The following ALDH16A1 variants were observed in gnomAD, a reference collection of about 807,000 sequenced individuals.
ALDH16A1 encodes aldehyde dehydrogenase family 16 member A1.
In ALDH16A1, 88 loss-of-function variants were observed where a neutral mutation model predicts 96.1. The ratio of observed to expected loss-of-function variants is 0.92; its 90% CI spans 0.77 to 1.09. The LOEUF is 1.09. ALDH16A1 is among the 50% of genes least tolerant of loss of function. ALDH16A1 has a pLI of 0.00. For missense variants in ALDH16A1, 1,250 were observed against 1,112.6 expected (o/e 1.12, Z -1.76); for synonymous variants, 522 against 496.4 (o/e 1.05, Z -0.69).
Position 49,458,943 on chromosome 19 carries a change from C to T in ALDH16A1, c.194-17C>T. On this transcript the variant is annotated splice_polypyrimidine_tract_variant and intron_variant, in intron 2 of 16. Transcript: ENST00000293350. ...GGGCTACTCCTCCCATCTGAGTCCC[C>T]CCACTTTTCTCCCCAGGAGAGAACT... 2 of 1,606,844 alleles carry T rather than the reference C, an allele frequency of 1.2e-6. No homozygotes were observed. Among genetic ancestry groups the T allele is most frequent in the Non-Finnish European group, 1.7e-6 (2 of 1,175,060 alleles).
intron 1 of ALDH16A1, among the ~76,000 whole-genome samples, chr19:49,455,680 G>A (rs941455115): frequency 3.9e-5 from 6 of 151,922 alleles, no homozygotes; most frequent in African/African-American, 7.3e-5. Flanking sequence ...AGGATCACTC[G>A]CACCTAGGAG....
At chr19:49,453,444 C>A (rs905577720) in intron 1 of ALDH16A1, 23 bp downstream of exon 1, 9 of 1,511,780 alleles carry the variant, frequency 6.0e-6, no homozygotes, top group African/African-American at 2.8e-5. Context: ...CCGGCCGGCG[C>A]TGCTCGCTGC....
intron 1 of ALDH16A1, among the ~76,000 whole-genome samples, chr19:49,455,384 C>A (rs12986313): frequency 0.34 from 51,200 of 150,068 alleles, 9,881 homozygotes; most frequent in South Asian, 0.51. Context: ...CCACTGCACT[C>A]CAGCCTGGGC....
At position 49,468,479 on chromosome 19, in the gene ALDH16A1, C is replaced by T. The variant is rs267605587; in HGVS notation, c.2037C>T (p.Ser679=). 6.2e-7 allele frequency: 1 copy of T among 1,602,930 alleles called. No homozygotes were observed. The highest frequency in any genetic ancestry group is 8.5e-7 in the Non-Finnish European group (1 of 1,179,904). The change falls in exon 15 of 17, where the codon TCC becomes TCT. Residue 679 remains serine, a synonymous_variant. Coordinates refer to ENST00000293350, the MANE Select transcript of ALDH16A1 (RefSeq NM_153329.4). This position sits in a 1 kb window ranked among gnomAD's most constrained non-coding sequence, Gnocchi z 4.4. The part of the protein sequence containing the change: ...PDEWPLLAFV[S]LLAPALAYGN... ...AGTGGCCCCTGCTTGCCTTCGTGTC[C>T]CTGCTGGCTCCCGCCCTGGCCTACG...
At chr19:49,462,518 C>T in intron 7 of ALDH16A1, 52 bp from the exon 8 acceptor site, 1 of 1,572,978 alleles carries the variant, frequency 6.4e-7, no homozygotes, top group Non-Finnish European at 8.6e-7. Context: ...TTCAGATCAC[C>T]AACTTGCTAG....
Position 49,464,514 on chromosome 19 carries a change from G to T in ALDH16A1, c.1429G>T (p.Gly477Cys). The T allele has an allele frequency of 2.5e-6, 4 of 1,613,864 alleles. No homozygotes were observed. The highest frequency in any genetic ancestry group is 3.4e-6 in the Non-Finnish European group (4 of 1,179,966). Reference sequence around the variant, plus strand: ...GGAGAGTGGGTGTTCCTGGCACGGGGGCCCAGACGTGAGTACATCCCCTCC... The same window carrying T: ...GGAGAGTGGGTGTTCCTGGCACGGGTGCCCAGACGTGAGTACATCCCCTCC... ...CKESGCSWHG[G>C]PDGLYEYLRP... is the part of the protein sequence containing the mutation. The change falls in exon 11 of 17, where the codon GGC becomes TGC. Residue 477 changes from glycine (G) to cysteine (C), a missense_variant. Gly to Cys is a radical substitution (Grantham distance 159). Coordinates refer to ENST00000293350, the MANE Select transcript of ALDH16A1 (RefSeq NM_153329.4).
chr19:49,462,791 G>C, intron 8 of ALDH16A1, 36 bp downstream of exon 8: 1 of 1,510,406 alleles, frequency 6.6e-7, no homozygotes, highest in Non-Finnish European at 8.8e-7. Context: ...GGTGTCAGGG[G>C]AGGAGGGGCC....
intron 2 of ALDH16A1, 111 bp from the exon 3 acceptor site, chr19:49,458,849 T>A: frequency 6.9e-7 from 1 of 1,439,078 alleles, no homozygotes; most frequent in Non-Finnish European, 9.5e-7. Flanking sequence ...CAGCAGAGAA[T>A]GGGGACCAGC....
intron 1 of ALDH16A1, among the ~76,000 whole-genome samples, chr19:49,454,069 A>T (rs998537021): frequency 7.4e-6 from 1 of 135,564 alleles, no homozygotes; most frequent in Non-Finnish European, 1.5e-5. Flanking sequence ...CTGTCGCCCA[A>T]ACTGAAGTGC....
At chr19:49,467,520 G>C (rs559178473) in intron 14 of ALDH16A1, among the ~76,000 whole-genome samples, 1 of 150,144 alleles carries the variant, frequency 6.7e-6, no homozygotes, top group Admixed American at 6.7e-5. Flanking sequence ...CCAGCCTTCC[G>C]AGTGGCTGGG....
At position 49,464,512 on chromosome 19, in the gene ALDH16A1, G is replaced by A. The variant is rs1466158028; in HGVS notation, c.1427G>A (p.Gly476Glu). 6.2e-7 allele frequency: 1 copy of A among 1,613,876 alleles called. No homozygotes were observed. The highest frequency in any genetic ancestry group is 8.5e-7 in the Non-Finnish European group (1 of 1,179,968). Reference sequence around the variant, plus strand: ...AAGGAGAGTGGGTGTTCCTGGCACGGGGGCCCAGACGTGAGTACATCCCCT... The same window carrying A: ...AAGGAGAGTGGGTGTTCCTGGCACGAGGGCCCAGACGTGAGTACATCCCCT... ...GCKESGCSWH[G>E]GPDGLYEYLR... The change falls in exon 11 of 17, where the codon GGG becomes GAG. Residue 476 changes from glycine to glutamate, a missense_variant. Coordinates refer to ENST00000293350, the MANE Select transcript of ALDH16A1 (RefSeq NM_153329.4).
intron 16 of ALDH16A1, chr19:49,469,221 G>T: frequency 2.2e-6 from 1 of 457,982 alleles, no homozygotes; most frequent in Admixed American, 4.0e-5. Flanking sequence ...GGGACAGCCC[G>T]TTGCTAAGGA....
At chr19:49,462,509 T>G in intron 7 of ALDH16A1, 61 bp from the exon 8 acceptor site, 1 of 1,560,776 alleles carries the variant, frequency 6.4e-7, no homozygotes, top group South Asian at 1.2e-5. Context: ...TCTTCACTCT[T>G]CAGATCACCA....
intron 8 of ALDH16A1, among the ~76,000 whole-genome samples, chr19:49,462,969 AGGGAGGAGGGGCTGGGGCCTGGAC>A (rs1487112412): frequency 2.4e-4 from 17 of 72,288 alleles, no homozygotes; most frequent in South Asian, 5.4e-4. Flanking sequence ...CCTGGGTCTG[AGGGAGGAGGGGCTGGGGCCTGGAC>A]TCCTGGGTCT....
chr19:49,456,589 G>A (rs2079105859), intron 1 of ALDH16A1, among the ~76,000 whole-genome samples: 1 of 152,100 alleles, frequency 6.6e-6, no homozygotes, highest in South Asian at 2.1e-4. Flanking sequence ...GGGTCTTGCT[G>A]TGTAGGTCCA....
In ALDH16A1 at chr19:49,466,240, G is replaced by C; in HGVS notation, c.1895G>C (p.Arg632Pro). ...GTGGAGCTGAGCGCAAGACGACTTC[G>C]GGCGTGGGGGGCCCGGGTGCAGGCC... is the stretch of plus-strand genomic sequence containing the variant. ...AEVELSARRL[R>P]AWGARVQAQG... The change falls in exon 14 of 17, where the codon CGG (arginine) becomes CCG (proline). Residue 632 changes from arginine to proline, a missense_variant. By Grantham distance (103) the Arg-to-Pro change is moderately radical. Coordinates refer to ENST00000293350, the MANE Select transcript of ALDH16A1 (RefSeq NM_153329.4). 6.7e-7 allele frequency: 1 copy of C among 1,486,770 alleles called. No homozygotes were observed. The highest frequency in any genetic ancestry group is 1.4e-5 in the South Asian group (1 of 73,720). 92.1% of individuals were successfully genotyped at this position (1,486,770 alleles called of 1,614,324 possible).
intron 7 of ALDH16A1, 94 bp from the exon 8 acceptor site, chr19:49,462,476 T>G: frequency 1.4e-6 from 2 of 1,416,336 alleles, no homozygotes; most frequent in African/African-American, 2.9e-5. Context: ...TGAGTGTCCA[T>G]GTCCCTAGTT....
At chr19:49,458,728 C>A in intron 2 of ALDH16A1, 140 bp downstream of exon 2, 2 of 1,078,586 alleles carry the variant, frequency 1.9e-6, no homozygotes, top group Non-Finnish European at 1.4e-6. Flanking sequence ...ATGTCTGGTT[C>A]CTTCTGAAAC....
intron 16 of ALDH16A1, 139 bp downstream of exon 16, chr19:49,469,125 C>T: frequency 4.6e-6 from 6 of 1,290,600 alleles, no homozygotes; most frequent in South Asian, 1.5e-5. Context: ...TTTGAGGCCC[C>T]GCCCTTAGGA....
Sources: gnomAD v4.1 joint callset for allele counts (sites outside exome capture counted in the v4.1 genomes callset) on GRCh38, gnomAD v4.1.1 for gene constraint, Gnocchi (gnomAD v3.1) non-coding constraint, MANE v1.5 for transcripts, NCBI Gene and HGNC (gene_info 2026-07-23, HGNC 2026-07-21) for gene names.